NEDD4: variants seen among roughly 807,000 people sequenced by gnomAD.
The protein encoded by NEDD4 is E3 ubiquitin-protein ligase NEDD4.
NEDD4 carries 99 observed loss-of-function variants against 144.9 expected under a neutral mutation model. The ratio of observed to expected loss-of-function variants is 0.68; its 90% CI spans 0.58 to 0.81. NEDD4 has a LOEUF of 0.81. NEDD4 is among the 30% of genes least tolerant of loss of function. The pLI is 0.00. For synonymous variants in NEDD4, 318 were observed against 350.6 expected (o/e 0.91, Z 1.04); for missense variants, 985 against 1,065.9 (o/e 0.92, Z 1.06).
intron 2 of NEDD4, among the ~76,000 whole-genome samples, chr15:55,964,374 C>T (rs1461799242): frequency 6.6e-6 from 1 of 152,042 alleles, no homozygotes; most frequent in Non-Finnish European, 1.5e-5. Context: ...TTCTACTGAT[C>T]TATCTTTAAG....
At chr15:55,932,507 C>T (rs1458883667) in intron 4 of NEDD4, among the ~76,000 whole-genome samples, 8 of 152,072 alleles carry the variant, frequency 5.3e-5, no homozygotes, top group Admixed American at 2.0e-4. Context: ...ACACCTTATA[C>T]GAAAATTAAT....
intron 5 of NEDD4, among the ~76,000 whole-genome samples, chr15:55,903,058 G>C (rs2035961736): frequency 6.6e-6 from 1 of 152,008 alleles, no homozygotes; most frequent in Non-Finnish European, 1.5e-5. Flanking sequence ...CTGGTTCTCT[G>C]GTAATGTTTA....
intron 2 of NEDD4, among the ~76,000 whole-genome samples, chr15:55,960,661 C>CAT (rs1250847191): frequency 1.3e-5 from 2 of 148,636 alleles, no homozygotes; most frequent in African/African-American, 4.9e-5. Context: ...AATTCCCCTT[C>CAT]ATATATATAT....
intron 4 of NEDD4, among the ~76,000 whole-genome samples, chr15:55,933,144 T>A (rs948363729): frequency 2.0e-5 from 3 of 152,036 alleles, no homozygotes; most frequent in Non-Finnish European, 4.4e-5. Context: ...GATCTAGAAC[T>A]AGAAATACCA....
At chr15:55,840,828 G>C in intron 19 of NEDD4, 101 bp from the exon 20 acceptor site, 1 of 1,144,078 alleles carries the variant, frequency 8.7e-7, no homozygotes, top group Non-Finnish European at 1.2e-6. Flanking sequence ...ACCACTGTTA[G>C]AACCACATTC....
chr15:55,897,185 G>C (rs2035765728), intron 5 of NEDD4, among the ~76,000 whole-genome samples: 2 of 152,080 alleles, frequency 1.3e-5, no homozygotes, highest in Admixed American at 1.3e-4. Context: ...GTGTTACCCA[G>C]GATGGTCTCG....
At chr15:55,966,653 A>G in intron 1 of NEDD4, 107 bp from the exon 2 acceptor site, 1 of 480,858 alleles carries the variant, frequency 2.1e-6, no homozygotes, top group Non-Finnish European at 3.6e-6. Flanking sequence ...ATTAAAATTA[A>G]TTGAAGAATC....
At chr15:55,977,193 C>T (rs373960838) in intron 1 of NEDD4, among the ~76,000 whole-genome samples, 5 of 152,234 alleles carry the variant, frequency 3.3e-5, no homozygotes, top group South Asian at 4.1e-4. Context: ...GATATTTTGG[C>T]CAATGATGGA....
intron 5 of NEDD4, among the ~76,000 whole-genome samples, chr15:55,914,576 G>C (rs1381152686): frequency 6.6e-6 from 1 of 151,906 alleles, no homozygotes; most frequent in Admixed American, 6.6e-5. Flanking sequence ...CAATATTGTT[G>C]AAAGAGTGAG....
At chr15:55,942,227 T>C (rs1335651631) in intron 4 of NEDD4, among the ~76,000 whole-genome samples, 15 of 152,342 alleles carry the variant, frequency 9.8e-5, no homozygotes, top group Non-Finnish European at 2.9e-5. Flanking sequence ...ATTCACTCTT[T>C]ATAATCATGA....
chr15:55,981,390 T>C (rs1443458841), intron 1 of NEDD4, among the ~76,000 whole-genome samples: 1 of 151,952 alleles, frequency 6.6e-6, no homozygotes, highest in Non-Finnish European at 1.5e-5. Context: ...TTGAGCAACA[T>C]GCTACATCAC....
chr15:55,913,552 C>A (rs1226189765), intron 5 of NEDD4, among the ~76,000 whole-genome samples: 6 of 151,916 alleles, frequency 3.9e-5, no homozygotes, highest in African/African-American at 1.4e-4. Flanking sequence ...CAATTTAAAT[C>A]TCCAGCAAAC....
At chr15:55,956,939 T>C (rs186909210) in intron 2 of NEDD4, among the ~76,000 whole-genome samples, 1 of 152,362 alleles carries the variant, frequency 6.6e-6, no homozygotes, top group East Asian at 1.9e-4. Flanking sequence ...ACAGCATATG[T>C]ATCCATTGAT....
intron 4 of NEDD4, among the ~76,000 whole-genome samples, chr15:55,940,151 A>C (rs80243619): frequency 0.011 from 1,742 of 152,288 alleles, 37 homozygotes; most frequent in African/African-American, 0.039. Flanking sequence ...AAAGTATCTA[A>C]AATAGTCAAA....
chr15:55,917,917 G>A (rs1052859574), intron 5 of NEDD4, among the ~76,000 whole-genome samples: 1 of 152,150 alleles, frequency 6.6e-6, no homozygotes, highest in East Asian at 1.9e-4. Flanking sequence ...ACTTAAGAGA[G>A]TGTTGTGGTA....
At chr15:55,856,429 C>T (rs1273160263) in intron 11 of NEDD4, among the ~76,000 whole-genome samples, 3 of 152,286 alleles carry the variant, frequency 2.0e-5, no homozygotes, top group African/African-American at 7.2e-5. Flanking sequence ...GACACCTTCT[C>T]TTGAATGTTT....
At chr15:55,945,067 G>A (rs192093868) in intron 4 of NEDD4, among the ~76,000 whole-genome samples, 1 of 152,128 alleles carries the variant, frequency 6.6e-6, no homozygotes, top group Admixed American at 6.5e-5. Context: ...AACCAGAGCA[G>A]AAAAGCTGAA....
intron 5 of NEDD4, among the ~76,000 whole-genome samples, chr15:55,898,990 C>A (rs1156307187): frequency 6.6e-6 from 1 of 152,140 alleles, no homozygotes; most frequent in African/African-American, 2.4e-5. Context: ...TTTTAGTAGT[C>A]TTTTTCCTAT....
At chr15:55,866,395 C>G (rs1247625913) in intron 8 of NEDD4, among the ~76,000 whole-genome samples, 1 of 151,944 alleles carries the variant, frequency 6.6e-6, no homozygotes. Flanking sequence ...AATACAGGAT[C>G]TAGCATACCT....
Sources: allele counts gnomAD v4.1 joint callset (sites outside exome capture counted in the v4.1 genomes callset), GRCh38; gene constraint gnomAD v4.1.1; transcripts MANE v1.5; gene names NCBI Gene and HGNC (gene_info 2026-07-23, HGNC 2026-07-21).